Variants in FAAH2 observed in about 807,000 individuals in gnomAD.
The protein encoded by FAAH2 is fatty acid amide hydrolase 2.
A neutral mutation model predicts 36.9 loss-of-function variants in FAAH2; 60 were observed. That is an observed-to-expected ratio of 1.63 (90% CI 1.32 to 2.02). FAAH2 has a LOEUF of 2.02. Ranked by LOEUF, FAAH2 falls within the 30% of genes most tolerant of loss-of-function variation. The pLI is 0.00. For missense variants in FAAH2, 689 were observed against 397.5 expected (o/e 1.73, Z -6.23); for synonymous variants, 214 against 143.8 (o/e 1.49, Z -3.49).
At chrX:57,377,099 G>A (rs1376188198) in intron 5 of FAAH2, among the ~76,000 whole-genome samples, 1 of 112,161 alleles carries the variant, frequency 8.9e-6, no homozygotes, top group Non-Finnish European at 1.9e-5. Flanking sequence ...TATTCTGTAG[G>A]TTGCCTGCTC....
At chrX:57,443,356 T>C (rs1273916778) in intron 8 of FAAH2, among the ~76,000 whole-genome samples, 1 of 111,972 alleles carries the variant, frequency 8.9e-6, no homozygotes, top group Non-Finnish European at 1.9e-5. Context: ...ATTTCATTCA[T>C]TTCAACTTCA....
At chrX:57,352,093 C>CATAT (rs1569284053) in intron 5 of FAAH2, among the ~76,000 whole-genome samples, 1 of 2,286 alleles carries the variant, frequency 4.4e-4, no homozygotes, top group African/African-American at 8.6e-4. Context: ...TATATATATG[C>CATAT]ACATATATAT....
chrX:57,247,162 A>T, the FAAH2 span, among the ~76,000 whole-genome samples: 3 of 111,954 alleles, frequency 2.7e-5, no homozygotes, highest in East Asian at 8.4e-4. Flanking sequence ...GAAAACTGTG[A>T]TATACTAGTT....
At chrX:57,283,615 G>A (rs1160337359), upstream of FAAH2, among the ~76,000 whole-genome samples, 2 of 111,329 alleles carry the variant, frequency 1.8e-5, no homozygotes, top group African/African-American at 6.5e-5. Context: ...TCTGCCAAGG[G>A]TGGGACGTCT....
At chrX:57,223,904 C>G in the FAAH2 span, among the ~76,000 whole-genome samples, 2 of 111,608 alleles carry the variant, frequency 1.8e-5, no homozygotes, top group Non-Finnish European at 3.8e-5. Context: ...TCCACACACC[C>G]TATAGGCCTC....
Position 57,470,205 on chromosome X carries a change from C to T in FAAH2, c.1424-18552C>T, listed in dbSNP as rs998700181. Reference sequence around the variant, plus strand: ...ATTAAAAGAACTATAGGAGCAAGAGCGAACACATTCAAAAGCTAGCAGAAG... The same window carrying T: ...ATTAAAAGAACTATAGGAGCAAGAGTGAACACATTCAAAAGCTAGCAGAAG... On this transcript the variant is annotated intron_variant, in intron 10 of 10. Coordinates refer to ENST00000374900, the MANE Select transcript of FAAH2 (RefSeq NM_174912.4). Among the ~76,000 whole-genome samples the T allele has an allele frequency of 1.0e-4, 11 of 110,150 alleles. No individual in the cohort carries two copies. In the South Asian group the frequency reaches 1.2e-3, roughly 12 times the overall value.
chrX:57,274,988 T>C, the FAAH2 span, among the ~76,000 whole-genome samples: 18 of 111,960 alleles, frequency 1.6e-4, no homozygotes, highest in African/African-American at 4.9e-4. Flanking sequence ...GATTACATGA[T>C]TGAATATTTA....
chrX:57,360,777 T>C (rs953103255), intron 5 of FAAH2, among the ~76,000 whole-genome samples: 1 of 110,837 alleles, frequency 9.0e-6, no homozygotes, highest in Non-Finnish European at 1.9e-5. Context: ...GTCATCTAGG[T>C]TTTGAGACCC....
chrX:57,337,480 T>C (rs1256746466), intron 4 of FAAH2, among the ~76,000 whole-genome samples: 1 of 111,812 alleles, frequency 8.9e-6, no homozygotes, highest in Non-Finnish European at 1.9e-5. Context: ...CCAAGATTCT[T>C]GATGAACATC....
At chrX:57,257,517 G>A in the FAAH2 span, among the ~76,000 whole-genome samples, 1 of 109,762 alleles carries the variant, frequency 9.1e-6, no homozygotes, top group Non-Finnish European at 1.9e-5. Flanking sequence ...CACAGGGAGA[G>A]GAATATCACA....
At chrX:57,123,409 A>T in the FAAH2 span, among the ~76,000 whole-genome samples, 2 of 111,939 alleles carry the variant, frequency 1.8e-5, no homozygotes, top group Non-Finnish European at 3.8e-5. Context: ...TCATTGTTGG[A>T]CATTTGGGTT....
intron 7 of FAAH2, among the ~76,000 whole-genome samples, chrX:57,429,189 A>T (rs2056233684): frequency 9.1e-6 from 1 of 109,552 alleles, no homozygotes; most frequent in Non-Finnish European, 1.9e-5. Flanking sequence ...CAAAAAAAAA[A>T]TTAGCTGGGC....
intron 10 of FAAH2, among the ~76,000 whole-genome samples, chrX:57,463,546 C>A (rs2056997479): frequency 9.0e-6 from 1 of 111,151 alleles, no homozygotes; most frequent in Non-Finnish European, 1.9e-5. Flanking sequence ...CTGACAAAAA[C>A]AAGCAATGAG....
chrX:57,134,622 G>A, the FAAH2 span: 1 of 111,469 alleles, frequency 9.0e-6, no homozygotes, highest in Non-Finnish European at 1.9e-5. Context: ...TGATGAGACT[G>A]CTGTACCTGA....
intron 2 of FAAH2, among the ~76,000 whole-genome samples, chrX:57,303,505 G>A (rs144029056): frequency 0.025 from 2,806 of 112,156 alleles, 98 homozygotes; most frequent in African/African-American, 0.086. Context: ...CATTTACTGA[G>A]TGGCTCTTCT....
At chrX:57,457,970 A>G in intron 10 of FAAH2, among the ~76,000 whole-genome samples, 1 of 112,211 alleles carries the variant, frequency 8.9e-6, no homozygotes, top group Non-Finnish European at 1.9e-5. Flanking sequence ...TGGAACAAAA[A>G]AAGAACCTCA....
At chrX:57,204,935 G>T in the FAAH2 span, among the ~76,000 whole-genome samples, 21 of 112,387 alleles carry the variant, frequency 1.9e-4, 1 homozygote, top group East Asian at 5.1e-3. Context: ...GCTAGAGCTT[G>T]GCTAGTATAG....
the FAAH2 span, chrX:57,121,683 C>T: frequency 8.9e-6 from 1 of 112,445 alleles, no homozygotes; most frequent in Admixed American, 9.3e-5. Context: ...GCTCTGACTC[C>T]GCCTCTTTCC....
chrX:57,421,164 G>T (rs949938862), intron 7 of FAAH2, among the ~76,000 whole-genome samples: 3 of 112,219 alleles, frequency 2.7e-5, no homozygotes, highest in African/African-American at 9.7e-5. Flanking sequence ...AGGTGTTTTT[G>T]GCCGGGTGAA....
Sources: gnomAD v4.1 joint callset for allele counts (sites outside exome capture counted in the v4.1 genomes callset) on GRCh38, gnomAD v4.1.1 for gene constraint, MANE v1.5 for transcripts, NCBI Gene and HGNC (gene_info 2026-07-23, HGNC 2026-07-21) for gene names.